BBX: variants seen among roughly 807,000 people sequenced by gnomAD.
BBX encodes the protein BBX high mobility group box domain containing.
BBX carries 30 observed loss-of-function variants against 100.2 expected under a neutral mutation model. That is an observed-to-expected ratio of 0.30 (90% CI 0.22 to 0.41). The LOEUF is 0.41. BBX is among the 10% of genes least tolerant of loss of function. BBX has a pLI of 1.00. For missense variants in BBX, 1,023 were observed against 1,129.8 expected (o/e 0.91, Z 1.35); for synonymous variants, 376 against 388.1 (o/e 0.97, Z 0.37).
chr3:107,683,447 A>G (rs1186437326), intron 3 of BBX, among the ~76,000 whole-genome samples: 1 of 152,150 alleles, frequency 6.6e-6, no homozygotes, highest in African/African-American at 2.4e-5. Flanking sequence ...CTATTTTGCT[A>G]GAGAAGGAAA....
chr3:107,717,812 A>G (rs1397148001), intron 5 of BBX, among the ~76,000 whole-genome samples: 1 of 152,116 alleles, frequency 6.6e-6, no homozygotes, highest in African/African-American at 2.4e-5. Context: ...AAGCAAAGCA[A>G]TATTACTGTG....
chr3:107,686,743 T>A (rs1576334693), intron 3 of BBX, among the ~76,000 whole-genome samples: 1 of 152,124 alleles, frequency 6.6e-6, no homozygotes, highest in East Asian at 1.9e-4. Flanking sequence ...AAGGCCCAGG[T>A]TTGGCCATGT....
At chr3:107,648,130 A>G (rs1301765344) in intron 3 of BBX, among the ~76,000 whole-genome samples, 1 of 152,166 alleles carries the variant, frequency 6.6e-6, no homozygotes, top group African/African-American at 2.4e-5. Context: ...AATGCACATA[A>G]TGTATTAAAG....
Position 107,811,281 on chromosome 3 carries a change from A to G in BBX, c.*5824A>G, listed in dbSNP as rs2071271544. The G allele has an allele frequency of 6.6e-6, 1 of 152,210 alleles. No individual in the cohort carries two copies. The highest frequency in any genetic ancestry group is 1.5e-5 in the Non-Finnish European group (1 of 68,030). The allele number at this position is 152,210 out of a possible 1,614,324, so 9.4% of individuals were successfully genotyped here. A position where few individuals can be genotyped will look rare whatever the true frequency, so the allele number is the denominator to read the frequency against. On this transcript the variant is annotated 3_prime_UTR_variant, in exon 18 of 18. Transcript: ENST00000325805. Reference sequence around the variant, plus strand: ...TGCCTTTAATGTACCATTTTCACTAAAAACAGTAGGAAAAATACTAATAAA... The same window carrying G: ...TGCCTTTAATGTACCATTTTCACTAGAAACAGTAGGAAAAATACTAATAAA...
At chr3:107,681,394 G>A (rs758912718) in intron 3 of BBX, among the ~76,000 whole-genome samples, 1 of 151,970 alleles carries the variant, frequency 6.6e-6, no homozygotes, top group Admixed American at 6.6e-5. Context: ...TTCAACTAGG[G>A]ATCAATTTAG....
intron 2 of BBX, among the ~76,000 whole-genome samples, chr3:107,544,011 A>T (rs1268442965): frequency 6.6e-6 from 1 of 152,250 alleles, no homozygotes; most frequent in African/African-American, 2.4e-5. Context: ...AACATTAGTA[A>T]GTTAAAATTC....
chr3:107,642,218 G>A (rs1055410448), intron 2 of BBX, among the ~76,000 whole-genome samples: 1 of 152,176 alleles, frequency 6.6e-6, no homozygotes. Flanking sequence ...ACCCAGGACA[G>A]GGAAGGCTTT....
chr3:107,642,170 G>A (rs1362426484), intron 2 of BBX, among the ~76,000 whole-genome samples: 2 of 152,122 alleles, frequency 1.3e-5, no homozygotes, highest in East Asian at 3.9e-4. Context: ...CCACTGTTGG[G>A]AATAACAGAA....
intron 5 of BBX, among the ~76,000 whole-genome samples, chr3:107,723,544 A>G (rs1013013114): frequency 6.6e-6 from 1 of 152,066 alleles, no homozygotes; most frequent in Admixed American, 6.6e-5. Context: ...ATATCTCCTA[A>G]TGCTATCCCT....
chr3:107,546,508 AG>A (rs2049251871), intron 2 of BBX, among the ~76,000 whole-genome samples: 1 of 152,188 alleles, frequency 6.6e-6, no homozygotes, highest in South Asian at 2.1e-4. Context: ...AAATCTTTTT[AG>A]GGCTACATCA....
chr3:107,527,522 T>C (rs955194998), intron 2 of BBX, among the ~76,000 whole-genome samples: 1 of 152,236 alleles, frequency 6.6e-6, no homozygotes, highest in African/African-American at 2.4e-5. Flanking sequence ...TCTGGTAGTG[T>C]CCATTTGGTA....
At chr3:107,609,384 G>T (rs2054672908) in intron 2 of BBX, among the ~76,000 whole-genome samples, 1 of 152,040 alleles carries the variant, frequency 6.6e-6, no homozygotes, top group Non-Finnish European at 1.5e-5. Context: ...TGGTATCAGG[G>T]TAATACTGGC....
chr3:107,543,451 A>G (rs1359413086), intron 2 of BBX, among the ~76,000 whole-genome samples: 1 of 152,248 alleles, frequency 6.6e-6, no homozygotes, highest in African/African-American at 2.4e-5. Flanking sequence ...AATTAAACCA[A>G]AATGTTATGT....
At chr3:107,651,928 A>G (rs897817186) in intron 3 of BBX, among the ~76,000 whole-genome samples, 6 of 152,166 alleles carry the variant, frequency 3.9e-5, no homozygotes, top group Non-Finnish European at 7.4e-5. Flanking sequence ...TTCTGTCTCT[A>G]GTAAGCAGAA....
intron 1 of BBX, chr3:107,524,522 C>T (rs2047599053): frequency 6.9e-6 from 1 of 145,964 alleles, no homozygotes; most frequent in Non-Finnish European, 1.5e-5. Flanking sequence ...ATCTGGAACA[C>T]GTTTATGTGT....
At chr3:107,755,812 AG>A (rs1169792778) in intron 10 of BBX, 134 bp downstream of exon 10, 1 of 752,752 alleles carries the variant, frequency 1.3e-6, no homozygotes, top group Non-Finnish European at 2.1e-6. Flanking sequence ...CAACAATGAG[AG>A]GGTTAACCTT....
At chr3:107,754,928 C>T (rs1290634132) in intron 9 of BBX, among the ~76,000 whole-genome samples, 1 of 152,030 alleles carries the variant, frequency 6.6e-6, no homozygotes, top group African/African-American at 2.4e-5. Flanking sequence ...TATCAATGCC[C>T]AGCCACTTTT....
At chr3:107,777,105 A>G (rs1219199297) in intron 12 of BBX, among the ~76,000 whole-genome samples, 2 of 152,316 alleles carry the variant, frequency 1.3e-5, no homozygotes, top group East Asian at 3.9e-4. Flanking sequence ...GCATGATGAA[A>G]TCTCGTGCCA....
chr3:107,558,545 G>GT (rs756727586), intron 2 of BBX, among the ~76,000 whole-genome samples: 1 of 152,124 alleles, frequency 6.6e-6, no homozygotes, highest in Non-Finnish European at 1.5e-5. Context: ...GGTATGGGCT[G>GT]TCAGGGGCTG....
Sources: allele counts gnomAD v4.1 joint callset (sites outside exome capture counted in the v4.1 genomes callset), GRCh38; gene constraint gnomAD v4.1.1; transcripts MANE v1.5; gene names NCBI Gene and HGNC (gene_info 2026-07-23, HGNC 2026-07-21).